The following MCF2L2 variants were observed in gnomAD, a reference collection of about 807,000 sequenced individuals.
The protein encoded by MCF2L2 is probable guanine nucleotide exchange factor MCF2L2.
In MCF2L2, 102 loss-of-function variants were observed where a neutral mutation model predicts 150.2. That is an observed-to-expected ratio of 0.68 (90% CI 0.58 to 0.80). The LOEUF (loss-of-function observed/expected upper bound fraction) is 0.80, where lower values mean the gene tolerates loss of function less well. Ranked by LOEUF, MCF2L2 falls within the 30% of genes least tolerant of loss-of-function variation. MCF2L2 has a pLI of 0.00. For missense variants in MCF2L2, 1,256 were observed against 1,372.8 expected (o/e 0.91, Z 1.34); for synonymous variants, 465 against 491.3 (o/e 0.95, Z 0.71).
At chr3:183,309,269 T>G (rs1284453876) in intron 10 of MCF2L2, among the ~76,000 whole-genome samples, 11 of 59,674 alleles carry the variant, frequency 1.8e-4, no homozygotes, top group African/African-American at 8.5e-4. Flanking sequence ...ACTAGTTGTT[T>G]TTTTTTTTCT....
chr3:183,403,072 G>A (rs575571531), intron 1 of MCF2L2, among the ~76,000 whole-genome samples: 23 of 151,928 alleles, frequency 1.5e-4, no homozygotes, highest in Non-Finnish European at 2.6e-4. Context: ...CCTGAAGTTC[G>A]AGACCAGCCT....
At chr3:183,184,002 GTT>G (rs1268563227) in intron 27 of MCF2L2, among the ~76,000 whole-genome samples, 1 of 151,834 alleles carries the variant, frequency 6.6e-6, no homozygotes, top group Admixed American at 6.6e-5. Flanking sequence ...TAGCAAAACT[GTT>G]TTGTTTTGTT....
chr3:183,190,488 C>T (rs922121414), intron 27 of MCF2L2, among the ~76,000 whole-genome samples: 4 of 152,170 alleles, frequency 2.6e-5, no homozygotes, highest in East Asian at 3.8e-4. Context: ...CAGTGAAGGC[C>T]GAAGCTAGGG....
At chr3:183,368,372 GT>G (rs1254945710) in intron 3 of MCF2L2, among the ~76,000 whole-genome samples, 1 of 152,192 alleles carries the variant, frequency 6.6e-6, no homozygotes, top group Non-Finnish European at 1.5e-5. Context: ...TGTAAATAAA[GT>G]TTAATTGGAA....
chr3:183,409,889 T>C (rs1480770414), intron 1 of MCF2L2, among the ~76,000 whole-genome samples: 1 of 130,186 alleles, frequency 7.7e-6, no homozygotes, highest in Non-Finnish European at 1.6e-5. Flanking sequence ...TTCCATATCC[T>C]CTAGCCTTTC....
intron 15 of MCF2L2, among the ~76,000 whole-genome samples, chr3:183,255,573 C>A (rs1215194017): frequency 6.6e-6 from 1 of 152,148 alleles, no homozygotes; most frequent in East Asian, 1.9e-4. Flanking sequence ...CCAGTGTTAT[C>A]ACAGGAAAGG....
intron 25 of MCF2L2, among the ~76,000 whole-genome samples, chr3:183,196,410 T>C (rs1195101252): frequency 1.3e-5 from 2 of 152,188 alleles, no homozygotes; most frequent in African/African-American, 2.4e-5. Flanking sequence ...AATGTTTATA[T>C]GTCAGAGCTT....
intron 22 of MCF2L2, among the ~76,000 whole-genome samples, chr3:183,213,187 A>G (rs933333193): frequency 1.6e-4 from 24 of 151,830 alleles, no homozygotes; most frequent in Admixed American, 1.1e-3. Context: ...TTACAAGTCA[A>G]CTTTGGAACT....
intron 25 of MCF2L2, among the ~76,000 whole-genome samples, chr3:183,201,986 T>G (rs1722303315): frequency 6.6e-6 from 1 of 152,334 alleles, no homozygotes; most frequent in African/African-American, 2.4e-5. Context: ...GTATGACTAA[T>G]GAGCTTTTTA....
chr3:183,215,817 G>C, intron 22 of MCF2L2, 152 bp downstream of exon 22: 1 of 811,306 alleles, frequency 1.2e-6, no homozygotes, highest in South Asian at 2.1e-5. Context: ...GAATCTTGTA[G>C]TGCGGGTTTA....
chr3:183,193,357 C>CCTTTTTT (rs1553880361), intron 26 of MCF2L2, among the ~76,000 whole-genome samples: 43 of 139,498 alleles, frequency 3.1e-4, no homozygotes, highest in Non-Finnish European at 2.7e-4. Flanking sequence ...CTTTTTCTTT[C>CCTTTTTT]TTTTTTTTTT....
chr3:183,352,720 A>G (rs6443877), intron 3 of MCF2L2, among the ~76,000 whole-genome samples: 17,675 of 152,090 alleles, frequency 0.12, 1,725 homozygotes, highest in African/African-American at 0.25. Flanking sequence ...GGCAGGGTAT[A>G]CCCCTCCTCA....
intron 15 of MCF2L2, among the ~76,000 whole-genome samples, chr3:183,238,824 C>T (rs1305030890): frequency 6.6e-6 from 1 of 150,674 alleles, no homozygotes; most frequent in Non-Finnish European, 1.5e-5. Context: ...GGTGAAACCC[C>T]GTCTCTACTA....
chr3:183,402,385 C>T (rs566117031), intron 1 of MCF2L2, among the ~76,000 whole-genome samples: 8 of 138,214 alleles, frequency 5.8e-5, no homozygotes, highest in Non-Finnish European at 1.2e-4. Flanking sequence ...CCTCGGGAGG[C>T]GGAGCTTGCA....
chr3:183,207,020 A>C (rs1722518219), intron 23 of MCF2L2, among the ~76,000 whole-genome samples: 1 of 150,346 alleles, frequency 6.7e-6, no homozygotes. Flanking sequence ...GAAGGAAGGA[A>C]GGGGAGAAAG....
intron 15 of MCF2L2, among the ~76,000 whole-genome samples, chr3:183,245,246 C>A (rs548579493): frequency 1.9e-4 from 29 of 152,242 alleles, no homozygotes; most frequent in African/African-American, 6.7e-4. Context: ...AACTGGAGTG[C>A]CACATAGAAA....
At position 183,314,619 on chromosome 3, in the gene MCF2L2, C is replaced by A. The variant is rs542809396; in HGVS notation, c.754-2847G>T. On this transcript the variant is annotated intron_variant, in intron 7 of 29. Transcript: ENST00000328913. The stretch of plus-strand genomic sequence containing the variant: ...ATCAAGCCAAATCCCCTAAGCTGTG[C>A]TAGTTGTTTAGGAAAAAACACTCTC... 2.0e-4 allele frequency among the ~76,000 whole-genome samples: 31 copies of A among 151,976 alleles called. No individual in the cohort carries two copies. In the South Asian group the frequency reaches 6.2e-3, roughly 31 times the overall value.
chr3:183,266,517 A>G (rs1726136103), intron 15 of MCF2L2, among the ~76,000 whole-genome samples: 2 of 152,238 alleles, frequency 1.3e-5, no homozygotes, highest in South Asian at 2.1e-4. Context: ...TTCCAGATGT[A>G]TGGTGGAGGA....
intron 10 of MCF2L2, among the ~76,000 whole-genome samples, chr3:183,309,206 G>A (rs1729244500): frequency 6.6e-6 from 1 of 152,092 alleles, no homozygotes. Context: ...GTGTAGCAAT[G>A]GAACTAACAT....
Sources: allele counts gnomAD v4.1 joint callset (sites outside exome capture counted in the v4.1 genomes callset), GRCh38; gene constraint gnomAD v4.1.1; transcripts MANE v1.5; gene names NCBI Gene and HGNC (gene_info 2026-07-23, HGNC 2026-07-21).